Variants in SUGCT observed in about 807,000 individuals in gnomAD.
SUGCT encodes the protein succinyl-CoA:glutarate CoA-transferase.
In SUGCT, 41 loss-of-function variants were observed where a neutral mutation model predicts 55.0. The observed-to-expected ratio is 0.74, with a 90% confidence interval of 0.58 to 0.97. SUGCT has a LOEUF of 0.97. Among genes scored for constraint, SUGCT ranks in the 50% least tolerant of loss-of-function variants. SUGCT has a pLI of 0.00. For synonymous variants in SUGCT, 187 were observed against 200.4 expected (o/e 0.93, Z 0.56); for missense variants, 568 against 547.8 (o/e 1.04, Z -0.37).
At chr7:40,905,085 T>G in the SUGCT span, among the ~76,000 whole-genome samples, 1 of 152,192 alleles carries the variant, frequency 6.6e-6, no homozygotes, top group African/African-American at 2.4e-5. Context: ...GATAACAATT[T>G]TCGAGCATTT....
chr7:41,033,513 T>C, the SUGCT span, among the ~76,000 whole-genome samples: 2 of 152,182 alleles, frequency 1.3e-5, no homozygotes. Context: ...AATGGTGTCT[T>C]GAAATTTCCA....
At chr7:40,417,483 G>A (rs1787067113) in intron 9 of SUGCT, among the ~76,000 whole-genome samples, 1 of 151,550 alleles carries the variant, frequency 6.6e-6, no homozygotes, top group Admixed American at 6.6e-5. Context: ...AAAATATTTA[G>A]CAATTCCCAA....
At chr7:40,346,881 A>C (rs1004626531) in intron 9 of SUGCT, among the ~76,000 whole-genome samples, 4 of 152,164 alleles carry the variant, frequency 2.6e-5, no homozygotes, top group Non-Finnish European at 5.9e-5. Context: ...AAATGCCCTC[A>C]CCATTTGCCA....
At chr7:40,619,103 C>T (rs775083224) in intron 12 of SUGCT, among the ~76,000 whole-genome samples, 12 of 152,178 alleles carry the variant, frequency 7.9e-5, no homozygotes, top group African/African-American at 1.2e-4. Context: ...GGCTAGATGA[C>T]GCCTTCCATA....
intron 12 of SUGCT, among the ~76,000 whole-genome samples, chr7:40,723,752 A>G (rs1786469348): frequency 1.3e-5 from 2 of 152,218 alleles, no homozygotes; most frequent in Admixed American, 1.3e-4. Context: ...CTTGTTTTTC[A>G]TACTATATCC....
chr7:40,709,302 T>C (rs985531361), intron 12 of SUGCT, among the ~76,000 whole-genome samples: 1 of 152,244 alleles, frequency 6.6e-6, no homozygotes, highest in Non-Finnish European at 1.5e-5. Flanking sequence ...TCGTAAGTAA[T>C]TACACAACAA....
intron 11 of SUGCT, among the ~76,000 whole-genome samples, chr7:40,465,226 C>G (rs1053087425): frequency 3.3e-5 from 5 of 152,170 alleles, no homozygotes; most frequent in African/African-American, 4.8e-5. Flanking sequence ...TCAGAGTTTA[C>G]TGCATTGTGG....
At chr7:40,800,067 CA>C (rs1336235293) in intron 13 of SUGCT, among the ~76,000 whole-genome samples, 3 of 152,142 alleles carry the variant, frequency 2.0e-5, no homozygotes, top group African/African-American at 7.2e-5. Flanking sequence ...TCATTTCTGA[CA>C]TTCAAAAGTC....
intron 9 of SUGCT, among the ~76,000 whole-genome samples, chr7:40,426,327 C>T (rs1029305156): frequency 2.0e-5 from 3 of 152,042 alleles, no homozygotes; most frequent in South Asian, 2.1e-4. Context: ...ATGGTATATG[C>T]GTGTCAGCTG....
intron 13 of SUGCT, among the ~76,000 whole-genome samples, chr7:40,807,833 G>A (rs567310201): frequency 1.3e-5 from 2 of 152,330 alleles, no homozygotes; most frequent in South Asian, 2.1e-4. Flanking sequence ...GATTCCCAAA[G>A]CTGAAGAACT....
At chr7:40,319,595 T>G (rs10280605) in intron 9 of SUGCT, among the ~76,000 whole-genome samples, 84,137 of 151,950 alleles carry the variant, frequency 0.55, 24,596 homozygotes, top group Non-Finnish European at 0.66. Flanking sequence ...CAAATGCATG[T>G]CATGTAAATT....
chr7:40,907,993 A>G, the SUGCT span, among the ~76,000 whole-genome samples: 856 of 151,426 alleles, frequency 5.7e-3, 9 homozygotes, highest in African/African-American at 0.02. Context: ...TTTTTTTTGT[A>G]AGATGTATAT....
At chr7:40,942,480 C>A in the SUGCT span, among the ~76,000 whole-genome samples, 13 of 152,012 alleles carry the variant, frequency 8.6e-5, no homozygotes, top group Non-Finnish European at 1.8e-4. Context: ...ACTTTTGTTT[C>A]AATACTCATA....
intron 13 of SUGCT, among the ~76,000 whole-genome samples, chr7:40,772,198 A>G (rs938689850): frequency 3.9e-5 from 6 of 152,018 alleles, no homozygotes; most frequent in African/African-American, 1.4e-4. Flanking sequence ...AGTAGGGGAG[A>G]GAGTAACATT....
intron 12 of SUGCT, among the ~76,000 whole-genome samples, chr7:40,723,213 C>G (rs368195052): frequency 1.3e-5 from 2 of 151,872 alleles, no homozygotes; most frequent in African/African-American, 4.8e-5. Context: ...CCAATTTTAG[C>G]AGGAGGTAAA....
chr7:40,477,385 T>G (rs1309906073), intron 11 of SUGCT, among the ~76,000 whole-genome samples: 1 of 152,120 alleles, frequency 6.6e-6, no homozygotes, highest in Admixed American at 6.6e-5. Context: ...AGTGACTTCT[T>G]TCTGAATGTA....
At chr7:40,141,519 A>C (rs1787980824) in intron 1 of SUGCT, among the ~76,000 whole-genome samples, 2 of 151,912 alleles carry the variant, frequency 1.3e-5, no homozygotes, top group African/African-American at 4.8e-5. Flanking sequence ...CTGTAATCCC[A>C]GCTACTTGGG....
At chr7:40,599,573 C>T (rs982327869) in intron 12 of SUGCT, among the ~76,000 whole-genome samples, 12 of 152,152 alleles carry the variant, frequency 7.9e-5, no homozygotes, top group Non-Finnish European at 1.6e-4. Context: ...TTCTCTTCCT[C>T]CAAACTGCCC....
At position 40,362,171 on chromosome 7, in the gene SUGCT, C is replaced by A. The variant is rs182374519; in HGVS notation, c.816+45316C>A. ...CAGTGGCTATCGCCTGTAATCCCAGCACTTTGGGAGGCCGAGGTGGGCAGA... is the reference window on the plus strand; with the variant it reads ...CAGTGGCTATCGCCTGTAATCCCAGAACTTTGGGAGGCCGAGGTGGGCAGA... On this transcript the variant is annotated intron_variant, in intron 9 of 13. Transcript: ENST00000335693. Among the ~76,000 whole-genome samples the A allele has an allele frequency of 2.9e-3, 441 of 152,234 alleles. 2 individuals are homozygous for A. Among genetic ancestry groups the A allele is most frequent in the African/African-American group, 0.01 (421 of 41,538 alleles).
Sources: gnomAD v4.1 joint callset for allele counts (sites outside exome capture counted in the v4.1 genomes callset) on GRCh38, gnomAD v4.1.1 for gene constraint, MANE v1.5 for transcripts, NCBI Gene and HGNC (gene_info 2026-07-23, HGNC 2026-07-21) for gene names.